ESRRG: variants seen among roughly 807,000 people sequenced by gnomAD.
The protein encoded by ESRRG is estrogen-related receptor gamma.
Under a neutral mutation model 44.0 loss-of-function variants are expected in ESRRG, and 13 were observed. The ratio of observed to expected loss-of-function variants is 0.30; its 90% CI spans 0.19 to 0.47. The LOEUF is 0.47. ESRRG is among the 20% of genes least tolerant of loss of function. The pLI is 1.00. For missense variants in ESRRG, 395 were observed against 580.6 expected, an observed-to-expected ratio of 0.68 and a Z score of 3.29; for synonymous variants, 215 against 214.6, an observed-to-expected ratio of 1.00 and a Z score of -0.02.
At chr1:217,051,205 G>A (rs1250934194) in intron 1 of ESRRG, among the ~76,000 whole-genome samples, 2 of 44,884 alleles carry the variant, frequency 4.5e-5, no homozygotes, top group African/African-American at 1.4e-4. Flanking sequence ...TAATGGGGGC[G>A]GGGGGGGGGG....
intron 1 of ESRRG, among the ~76,000 whole-genome samples, chr1:216,682,952 G>A (rs2077288679): frequency 6.6e-6 from 1 of 152,146 alleles, no homozygotes. Context: ...ATGGGCACCA[G>A]CTGCTATTGT....
chr1:216,707,246 T>A (rs2082632371), intron 1 of ESRRG: 2 of 1,203,538 alleles, frequency 1.7e-6, no homozygotes, highest in Non-Finnish European at 2.3e-6. Context: ...TTTTTTTTCT[T>A]TTCATTAATC....
chr1:216,552,192 A>T (rs1352296079), intron 5 of ESRRG, among the ~76,000 whole-genome samples: 2 of 152,164 alleles, frequency 1.3e-5, no homozygotes, highest in Non-Finnish European at 2.9e-5. Context: ...TATTGTCCAT[A>T]TAAATCATGT....
rs185824571 is a variant in ESRRG, at chr1:216,525,508, C to G, written c.863-6087G>C. 6.8e-3 allele frequency among the ~76,000 whole-genome samples: 877 copies of G among 128,472 alleles called. 10 individuals carry two copies. The highest frequency in any genetic ancestry group is 0.034 in the African/African-American group (834 of 24,440). 84.3% of individuals were successfully genotyped at this position (128,472 alleles called of 152,430 possible). ...GGGGGGGCATGGAGGCAAGTATGGG[C>G]TGAGCTGCCTTAAGTTAAAGAGGGA... On this transcript the variant is annotated intron_variant, in intron 5 of 6. Transcript: ENST00000408911.
upstream of ESRRG, among the ~76,000 whole-genome samples, chr1:217,091,734 T>C (rs2092348439): frequency 6.6e-6 from 1 of 152,248 alleles, no homozygotes; most frequent in East Asian, 1.9e-4. Flanking sequence ...ACCAGAGGCA[T>C]AGATGTTTCC....
At chr1:216,746,730 T>G (rs1576077426) in intron 2 of ESRRG, among the ~76,000 whole-genome samples, 1 of 152,306 alleles carries the variant, frequency 6.6e-6, no homozygotes, top group East Asian at 1.9e-4. Flanking sequence ...CACTGAATCT[T>G]CATCTCCTAA....
At chr1:217,094,642 C>T (rs1224791360), upstream of ESRRG, among the ~76,000 whole-genome samples, 2 of 152,156 alleles carry the variant, frequency 1.3e-5, no homozygotes, top group Non-Finnish European at 2.9e-5. Flanking sequence ...AAAAAGTTTA[C>T]CAAGTTAGCA....
chr1:216,573,833 T>C (rs1485596608), intron 3 of ESRRG, among the ~76,000 whole-genome samples: 4 of 152,018 alleles, frequency 2.6e-5, no homozygotes, highest in African/African-American at 9.7e-5. Context: ...GAATTCATAA[T>C]TATCTAATTA....
chr1:216,663,852 A>T (rs568162884), intron 2 of ESRRG, among the ~76,000 whole-genome samples: 2 of 152,270 alleles, frequency 1.3e-5, no homozygotes, highest in African/African-American at 4.8e-5. Context: ...GGATCAGTTT[A>T]AGACTAACAA....
At chr1:216,786,908 C>T (rs1053848273) in intron 2 of ESRRG, among the ~76,000 whole-genome samples, 3 of 152,138 alleles carry the variant, frequency 2.0e-5, no homozygotes, top group African/African-American at 7.2e-5. Flanking sequence ...ACATACATAA[C>T]ATTTTAGTAC....
intron 2 of ESRRG, among the ~76,000 whole-genome samples, chr1:216,858,056 T>A (rs925417952): frequency 2.6e-5 from 4 of 152,060 alleles, no homozygotes; most frequent in African/African-American, 9.7e-5. Flanking sequence ...GAAAAATAGC[T>A]CCTTTTTCAA....
chr1:216,877,367 T>C (rs949741819), intron 2 of ESRRG, among the ~76,000 whole-genome samples: 9 of 112,356 alleles, frequency 8.0e-5, no homozygotes, highest in African/African-American at 3.2e-4. Context: ...AATGCTTTTT[T>C]ATAGGTATGG....
intron 3 of ESRRG, among the ~76,000 whole-genome samples, chr1:216,596,040 G>A (rs12087642): frequency 0.43 from 65,202 of 152,028 alleles, 14,783 homozygotes; most frequent in African/African-American, 0.58. Flanking sequence ...GAAGAACATG[G>A]GTTTCTTACG....
rs772928735 is a variant in ESRRG at position 216,677,501 on chromosome 1, A to C, written c.57-10T>G. On this transcript the variant is annotated splice_polypyrimidine_tract_variant and intron_variant, in intron 1 of 6. Transcript: ENST00000408911. Reference sequence around the variant, plus strand: ...CATTCTGCAGAGAAGCCTGAGATTGAGGAGATACAAAGAGAGACAGAAAGA... The same window carrying C: ...CATTCTGCAGAGAAGCCTGAGATTGCGGAGATACAAAGAGAGACAGAAAGA... The C allele has an allele frequency of 1.7e-5, 27 of 1,590,998 alleles. No individual in the cohort carries two copies. The highest frequency in any genetic ancestry group is 2.3e-5 in the Non-Finnish European group (27 of 1,166,628).
chr1:216,566,546 A>C (rs2059710873), intron 4 of ESRRG, among the ~76,000 whole-genome samples: 1 of 152,190 alleles, frequency 6.6e-6, no homozygotes, highest in South Asian at 2.1e-4. Flanking sequence ...TTTTTCTTTC[A>C]GTAGAGGAAA....
chr1:216,851,942 A>G (rs2095849371), intron 2 of ESRRG, among the ~76,000 whole-genome samples: 1 of 152,210 alleles, frequency 6.6e-6, no homozygotes, highest in South Asian at 2.1e-4. Flanking sequence ...AAATCACCAA[A>G]TGGATTGGTT....
intron 2 of ESRRG, among the ~76,000 whole-genome samples, chr1:216,738,506 A>T (rs921782736): frequency 1.3e-5 from 2 of 152,242 alleles, no homozygotes; most frequent in African/African-American, 4.8e-5. Flanking sequence ...CTGTGGTATC[A>T]TAAGGCAATA....
chr1:217,133,470 A>G (rs759924835), intron 1 of ESRRG, among the ~76,000 whole-genome samples: 20 of 152,262 alleles, frequency 1.3e-4, no homozygotes, highest in Admixed American at 1.3e-4. Context: ...CGCGTGTCAT[A>G]GAAACATTTT....
intron 2 of ESRRG, among the ~76,000 whole-genome samples, chr1:216,794,985 A>C (rs974063918): frequency 1.3e-5 from 2 of 152,180 alleles, no homozygotes; most frequent in Non-Finnish European, 2.9e-5. Flanking sequence ...AACAGCCAGA[A>C]TCATTTTTTA....
Sources: gnomAD v4.1 joint callset for allele counts (sites outside exome capture counted in the v4.1 genomes callset) on GRCh38, gnomAD v4.1.1 for gene constraint, MANE v1.5 for transcripts, NCBI Gene and HGNC (gene_info 2026-07-23, HGNC 2026-07-21) for gene names.